The following USPL1 variants were observed in gnomAD, a reference collection of about 807,000 sequenced individuals.
USPL1 encodes SUMO-specific isopeptidase USPL1.
Under a neutral mutation model 51.5 loss-of-function variants are expected in USPL1, and 27 were observed. The ratio of observed to expected loss-of-function variants is 0.52; its 90% confidence interval spans 0.39 to 0.72. The LOEUF (loss-of-function observed/expected upper bound fraction) is 0.72, where lower values mean the gene tolerates loss of function less well. USPL1 is among the 30% of genes least tolerant of loss of function. The pLI is 0.00. For synonymous variants in USPL1, 451 were observed against 459.6 expected, an observed-to-expected ratio of 0.98 and a Z score of 0.24; for missense variants, 1,226 against 1,268.0, an observed-to-expected ratio of 0.97 and a Z score of 0.50.
chr13:30,658,077 A>G lies in USPL1; in HGVS notation c.2000A>G (p.Gln667Arg), dbSNP rs1437241255. 6.2e-7 allele frequency: 1 copy of G among 1,613,340 alleles called. No individual in the cohort carries two copies. The highest frequency in any genetic ancestry group is 8.5e-7 in the Non-Finnish European group (1 of 1,179,990). ...QVVNTNMQSVQLNTEDTVNTK... is the reference protein window; with the variant it reads ...QVVNTNMQSVRLNTEDTVNTK... Reference sequence around the variant, plus strand: ...GTAAATACAAACATGCAGTCAGTACAGCTGAATACAGAAGATACTGTAAAT... The same window carrying G: ...GTAAATACAAACATGCAGTCAGTACGGCTGAATACAGAAGATACTGTAAAT... The change falls in exon 9 of 9, where the codon CAG (glutamine) becomes CGG (arginine). Residue 667 changes from glutamine (Q) to arginine (R), a missense_variant. Transcript: ENST00000255304.
chr13:30,636,889 C>T (rs997078439), intron 4 of USPL1, among the ~76,000 whole-genome samples: 1 of 152,192 alleles, frequency 6.6e-6, no homozygotes, highest in Non-Finnish European at 1.5e-5. Context: ...AACACACACA[C>T]AAGTGCTATG....
chr13:30,637,270 AGGGAAATATGAGATATTAGTTT>A (rs1950888850), intron 4 of USPL1, among the ~76,000 whole-genome samples: 1 of 152,236 alleles, frequency 6.6e-6, no homozygotes, highest in Admixed American at 6.5e-5. Flanking sequence ...ATGACATAGA[AGGGAAATATGAGATATTAGTTT>A]GGGAAATAAT....
At chr13:30,634,959 A>G (rs1012161132) in intron 4 of USPL1, among the ~76,000 whole-genome samples, 2 of 152,100 alleles carry the variant, frequency 1.3e-5, no homozygotes, top group Admixed American at 6.6e-5. Context: ...CTATGTGTAT[A>G]TATTGCTCAT....
chr13:30,640,533 T>TA (rs1950933065), intron 5 of USPL1, among the ~76,000 whole-genome samples: 1 of 151,938 alleles, frequency 6.6e-6, no homozygotes, highest in Non-Finnish European at 1.5e-5. Flanking sequence ...CTACTAAAAA[T>TA]ACAAAAAATT....
At chr13:30,645,716 A>G (rs1486055525) in intron 6 of USPL1, among the ~76,000 whole-genome samples, 3 of 152,194 alleles carry the variant, frequency 2.0e-5, no homozygotes, top group African/African-American at 7.2e-5. Context: ...CTCAACTTGG[A>G]AAGTGTAACC....
chr13:30,639,935 C>T (rs981953939), intron 5 of USPL1, among the ~76,000 whole-genome samples: 3 of 152,148 alleles, frequency 2.0e-5, no homozygotes, highest in Non-Finnish European at 2.9e-5. Context: ...GCTCCACCTC[C>T]GCCATGGGCC....
At chr13:30,627,245 C>T (rs1312414015) in intron 3 of USPL1, among the ~76,000 whole-genome samples, 2 of 151,710 alleles carry the variant, frequency 1.3e-5, no homozygotes, top group African/African-American at 2.4e-5. Flanking sequence ...GATACATGTT[C>T]ACTGTAAATA....
At chr13:30,645,783 C>A (rs1386171716) in intron 6 of USPL1, among the ~76,000 whole-genome samples, 1 of 152,170 alleles carries the variant, frequency 6.6e-6, no homozygotes, top group Admixed American at 6.5e-5. Flanking sequence ...TTATTTATCA[C>A]TGTACTCTAT....
In USPL1 at chr13:30,659,196, A is replaced by T. The variant is rs144000825; in HGVS notation, c.3119A>T (p.Asp1040Val). The T allele has an allele frequency of 4.2e-5, 68 of 1,614,002 alleles. 1 individual carries two copies. The African/African-American group carries it at 7.2e-4, about 17-fold the overall frequency. ...AAAAATCCATGTGAAGTTCAGCCAG[A>T]CTCTCTGACAAATAATGCCTGCGTT... ...TKKNPCEVQP[D>V]SLTNNACVRT... Residue 1040 changes from aspartate (D) to valine (V), a missense_variant, in exon 9 of 9, where the codon GAC (aspartate) becomes GTC (valine). Coordinates refer to ENST00000255304, the MANE Select transcript of USPL1 (RefSeq NM_005800.5).
At chr13:30,645,456 C>T (rs796259862) in intron 6 of USPL1, among the ~76,000 whole-genome samples, 8 of 152,316 alleles carry the variant, frequency 5.3e-5, no homozygotes, top group African/African-American at 1.7e-4. Flanking sequence ...ATAGCACAAA[C>T]TGTGAGAGCT....
rs1322849962 is a variant in USPL1, at chr13:30,631,174, A to G, written c.568A>G (p.Thr190Ala). ...VDMATTKDPA[T>A]VDVSGTGRPS... ...CATGGCTACTACAAAAGATCCTGCTACAGTTGATGTCTCTGGAACTGGCAG... is the reference window on the plus strand; with the variant it reads ...CATGGCTACTACAAAAGATCCTGCTGCAGTTGATGTCTCTGGAACTGGCAG... The change falls in exon 4 of 9, where the codon ACA becomes GCA. Residue 190 changes from threonine to alanine, a missense_variant. Physicochemically the swap from Thr to Ala is moderately conservative, Grantham distance 58 (BLOSUM62 0). Coordinates refer to ENST00000255304, the MANE Select transcript of USPL1 (RefSeq NM_005800.5). 4.3e-6 allele frequency: 7 copies of G among 1,614,062 alleles called. No homozygotes were observed. The East Asian group carries it at 1.3e-4, about 31-fold the overall frequency.
chr13:30,653,081 C>CAAG lies in USPL1; in HGVS notation c.1239-66_1239-65insAGA, dbSNP rs1041341743. On this transcript the variant is annotated intron_variant, in intron 7 of 8. Coordinates refer to ENST00000255304, the MANE Select transcript of USPL1 (RefSeq NM_005800.5). ...TTATGTGTGACTAGTTCACTTCAGA[C>CAAG]ATCTTTTGTATAATCAGACACATGG... The CAAG allele has an allele frequency of 1.9e-5, 27 of 1,457,868 alleles. No individual in the cohort carries two copies. The African/African-American group carries it at 3.6e-4, about 19-fold the overall frequency. 90.3% of individuals were successfully genotyped at this position (1,457,868 alleles called of 1,614,324 possible).
chr13:30,652,742 A>G (rs2137711450), intron 7 of USPL1, among the ~76,000 whole-genome samples: 1 of 152,328 alleles, frequency 6.6e-6, no homozygotes, highest in East Asian at 1.9e-4. Flanking sequence ...CATGTTACCT[A>G]CCCCACTTAA....
At chr13:30,635,910 C>T (rs1950869987) in intron 4 of USPL1, among the ~76,000 whole-genome samples, 1 of 152,128 alleles carries the variant, frequency 6.6e-6, no homozygotes, top group Non-Finnish European at 1.5e-5. Flanking sequence ...ATACAGTTTT[C>T]AGAATGGTTG....
intron 8 of USPL1, among the ~76,000 whole-genome samples, 169 bp from the exon 9 acceptor site, chr13:30,657,305 A>G (rs1489264111): frequency 6.6e-6 from 1 of 152,214 alleles, no homozygotes; most frequent in Non-Finnish European, 1.5e-5. Context: ...AATATACTCT[A>G]TCTAAGGACT....
intron 5 of USPL1, 44 bp from the exon 6 acceptor site, chr13:30,642,584 C>A (rs111816848): frequency 4.4e-6 from 7 of 1,584,058 alleles, no homozygotes; most frequent in South Asian, 1.2e-5. Context: ...TTAGTTTTTG[C>A]CATTATTGAT....
intron 8 of USPL1, 62 bp from the exon 9 acceptor site, chr13:30,657,412 G>T: frequency 6.7e-7 from 1 of 1,499,542 alleles, no homozygotes. Flanking sequence ...AAGGCCAGAA[G>T]AAAGTTAACC....
intron 8 of USPL1, 73 bp downstream of exon 8, chr13:30,653,378 T>G (rs1010808287): frequency 7.0e-6 from 10 of 1,430,548 alleles, no homozygotes. Context: ...GACTTTTTGG[T>G]TTTTGTTTTA....
At chr13:30,644,007 G>A (rs1343503706) in intron 6 of USPL1, among the ~76,000 whole-genome samples, 3 of 151,954 alleles carry the variant, frequency 2.0e-5, no homozygotes, top group South Asian at 2.1e-4. Flanking sequence ...TTTGAAGGCC[G>A]GGCACAGTGG....
Sources: gnomAD v4.1 joint callset for allele counts (sites outside exome capture counted in the v4.1 genomes callset) on GRCh38, gnomAD v4.1.1 for gene constraint, MANE v1.5 for transcripts, NCBI Gene and HGNC (gene_info 2026-07-23, HGNC 2026-07-21) for gene names.